ISX: variants seen among roughly 807,000 people sequenced by gnomAD.
ISX encodes intestine specific homeobox.
ISX carries 15 observed loss-of-function variants against 16.9 expected under a neutral mutation model. That is an observed-to-expected ratio of 0.89 (90% CI 0.59 to 1.36). The LOEUF is 1.36. Among genes scored for constraint, ISX ranks in the 40% most tolerant of loss-of-function variants. The pLI is 0.00. For missense variants in ISX, 316 were observed against 306.1 expected, an observed-to-expected ratio of 1.03 and a Z score of -0.24; for synonymous variants, 125 against 119.7, an observed-to-expected ratio of 1.04 and a Z score of -0.29.
At chr22:35,083,358 A>G (rs1445639747) in intron 3 of ISX, among the ~76,000 whole-genome samples, 2 of 152,196 alleles carry the variant, frequency 1.3e-5, no homozygotes, top group African/African-American at 4.8e-5. Flanking sequence ...AGAAGTGGAA[A>G]AGGTCTTGAA....
chr22:35,068,655 T>C (rs1344319018), intron 2 of ISX, among the ~76,000 whole-genome samples: 1 of 152,188 alleles, frequency 6.6e-6, no homozygotes, highest in Non-Finnish European at 1.5e-5. Context: ...CCTAGCCCGA[T>C]GACGGCAGGC....
At chr22:35,083,541 C>T (rs1074971) in intron 3 of ISX, among the ~76,000 whole-genome samples, 96,075 of 152,120 alleles carry the variant, frequency 0.63, 31,088 homozygotes, top group African/African-American at 0.73. Context: ...CAAGTGCCAC[C>T]CTAGCACACG....
At position 35,067,400 on chromosome 22, in the gene ISX, A is replaced by C. The variant is rs1205530809; in HGVS notation, c.229+84A>C. 3 of 927,224 alleles carry C rather than the reference A, an allele frequency of 3.2e-6. No individual in the cohort carries two copies. The East Asian group carries it at 7.9e-5, about 24-fold the overall frequency. 57.4% of individuals were successfully genotyped at this position (927,224 alleles called of 1,614,324 possible). ...AGGCAGAGAAAAAGCTTCTCCGTCC[A>C]TATTAACTGGATAGAGGACTCTAAA... is the stretch of plus-strand genomic sequence containing the variant. On this transcript the variant is annotated intron_variant, in intron 2 of 4. Transcript: ENST00000404699.
intron 3 of ISX, among the ~76,000 whole-genome samples, chr22:35,083,129 AAC>A (rs910248192): frequency 1.3e-5 from 2 of 152,220 alleles, no homozygotes; most frequent in Non-Finnish European, 2.9e-5. Context: ...AAAATATGTA[AAC>A]ACACTTTATT....
intron 2 of ISX, among the ~76,000 whole-genome samples, chr22:35,080,213 C>T (rs778804106): frequency 6.6e-6 from 1 of 152,172 alleles, no homozygotes; most frequent in Non-Finnish European, 1.5e-5. Context: ...CTGTCCTCTT[C>T]CCCACCTACA....
Position 35,086,053 on chromosome 22 carries a change from G to A in ISX, c.*360G>A, listed in dbSNP as rs1035618232. On this transcript the variant is annotated 3_prime_UTR_variant, in exon 5 of 5. Coordinates refer to ENST00000404699, the MANE Select transcript of ISX (RefSeq NM_001303508.2). The stretch of plus-strand genomic sequence containing the variant: ...CCTCTCTGGACCTCATCTGTAAGAG[G>A]AGCCAGCTGGATAAGATGATTTCTG... The A allele has an allele frequency of 7.3e-5, 24 of 327,294 alleles. No homozygotes were observed. The highest frequency in any genetic ancestry group is 1.1e-4 in the Non-Finnish European group (18 of 171,110). 20.3% of individuals were successfully genotyped at this position (327,294 alleles called of 1,614,324 possible).
chr22:35,085,968 T>G lies in ISX; in HGVS notation c.*275T>G, dbSNP rs1601563052. On this transcript the variant is annotated 3_prime_UTR_variant, in exon 5 of 5. Transcript: ENST00000404699. ...CAGGCCGAGCTCTGAAATAGGGAGG[T>G]AATCCTCCAGCACCTGTGTTTCCTC... The G allele has an allele frequency of 2.0e-6, 1 of 493,124 alleles. No homozygotes were observed. Among genetic ancestry groups the G allele is most frequent in the South Asian group, 2.1e-5 (1 of 47,112 alleles). 30.5% of individuals were successfully genotyped at this position (493,124 alleles called of 1,614,324 possible).
At chr22:35,083,387 G>A (rs1074970) in intron 3 of ISX, among the ~76,000 whole-genome samples, 37,181 of 152,136 alleles carry the variant, frequency 0.24, 5,604 homozygotes, top group Non-Finnish European at 0.34. Flanking sequence ...CTTGGTCGGA[G>A]ACCTGGTTTA....
chr22:35,082,689 A>G lies in ISX; in HGVS notation c.381+20A>G. 1 of 1,613,426 alleles carries G rather than the reference A, an allele frequency of 6.2e-7. No individual in the cohort carries two copies. Among genetic ancestry groups the G allele is most frequent in the Non-Finnish European group, 8.5e-7 (1 of 1,179,764 alleles). On this transcript the variant is annotated intron_variant, in intron 3 of 4. Transcript: ENST00000404699. The stretch of plus-strand genomic sequence containing the variant: ...GTGCAGGTACAGCCATCCCTACCTC[A>G]GCCCCCAGCCTCCATGCCCTTGGGA...
intron 2 of ISX, among the ~76,000 whole-genome samples, chr22:35,076,764 A>C (rs374921686): frequency 1.4e-4 from 21 of 152,224 alleles, no homozygotes; most frequent in African/African-American, 4.8e-4. Flanking sequence ...CACCTGTGTA[A>C]ATTGTGTATT....
At chr22:35,078,182 T>TTTG (rs1929034062) in intron 2 of ISX, among the ~76,000 whole-genome samples, 1 of 151,688 alleles carries the variant, frequency 6.6e-6, no homozygotes, top group Non-Finnish European at 1.5e-5. Context: ...TTTTTTTTTT[T>TTTG]GCAGCTTCCT....
chr22:35,069,844 T>C (rs922895036), intron 2 of ISX, among the ~76,000 whole-genome samples: 4 of 152,220 alleles, frequency 2.6e-5, no homozygotes, highest in African/African-American at 9.6e-5. Flanking sequence ...TTGTCTCCAC[T>C]TAACATTTAA....
intron 2 of ISX, among the ~76,000 whole-genome samples, chr22:35,076,020 T>C (rs1928970132): frequency 6.6e-6 from 1 of 152,092 alleles, no homozygotes; most frequent in South Asian, 2.1e-4. Context: ...ATTGATTGAC[T>C]CATAGAGACT....
rs10579253 is a variant in ISX at position 35,077,609 on chromosome 22, A to ACATCATCAT, written c.230-4885_230-4877dup. ...ACTAAAACTGTGAGACACAAGCACAACATCATCATCATCATCATCATCATC... is the reference window on the plus strand; with the variant it reads ...ACTAAAACTGTGAGACACAAGCACAACATCATCATCATCATCATCATCATCATCATCATC... On this transcript the variant is annotated intron_variant, in intron 2 of 4. Coordinates refer to ENST00000404699, the MANE Select transcript of ISX (RefSeq NM_001303508.2). 1.5e-4 allele frequency among the ~76,000 whole-genome samples: 23 copies of ACATCATCAT among 151,108 alleles called. No homozygotes were observed. In the East Asian group the frequency reaches 4.5e-3, roughly 29 times the overall value.
Position 35,087,244 on chromosome 22 carries a change from T to C in ISX, c.*1551T>C, listed in dbSNP as rs1929277360. The C allele has an allele frequency of 6.6e-6, 1 of 152,218 alleles. No individual in the cohort carries two copies. Among genetic ancestry groups the C allele is most frequent in the Admixed American group, 6.5e-5 (1 of 15,280 alleles). The allele number at this position is 152,218 out of a possible 1,614,324, so 9.4% of individuals were successfully genotyped here. A position where few individuals can be genotyped will look rare whatever the true frequency, so the allele number is the denominator to read the frequency against. On this transcript the variant is annotated 3_prime_UTR_variant, in exon 5 of 5. Transcript: ENST00000404699. ...ATCAACACCAGGTCTCTAGCACCGC[T>C]GGATGAAAGGAGAAGGCTAGAGGCT...
At chr22:35,075,251 G>A (rs1333622696) in intron 2 of ISX, among the ~76,000 whole-genome samples, 2 of 152,186 alleles carry the variant, frequency 1.3e-5, no homozygotes, top group African/African-American at 2.4e-5. Context: ...GTATAAAAAG[G>A]AATAATCCTT....
rs141223769 is a variant in ISX, at chr22:35,086,121, G to A, written c.*428G>A. 527 of 270,522 alleles carry A rather than the reference G, an allele frequency of 1.9e-3. 2 individuals are homozygous for A. In the Middle Eastern group the frequency reaches 0.032, roughly 17 times the overall value. 16.8% of individuals were successfully genotyped at this position (270,522 alleles called of 1,614,324 possible). A position where few individuals can be genotyped will look rare whatever the true frequency, so the allele number is the denominator to read the frequency against. On this transcript the variant is annotated 3_prime_UTR_variant, in exon 5 of 5. Coordinates refer to ENST00000404699, the MANE Select transcript of ISX (RefSeq NM_001303508.2). ...GGCACTGAGGCACAGAGGAGGCCAA[G>A]GAGAGGTTGTTTGTTCATGCATGCA...
chr22:35,086,653 G>A lies in ISX; in HGVS notation c.*960G>A, dbSNP rs2146297278. 1.3e-5 allele frequency: 2 copies of A among 152,338 alleles called. No individual in the cohort carries two copies. The highest frequency in any genetic ancestry group is 4.1e-4 in the South Asian group (2 of 4,828). The allele number at this position is 152,338 out of a possible 1,614,324, so 9.4% of individuals were successfully genotyped here. A position where few individuals can be genotyped will look rare whatever the true frequency, so the allele number is the denominator to read the frequency against. On this transcript the variant is annotated 3_prime_UTR_variant, in exon 5 of 5. Coordinates refer to ENST00000404699, the MANE Select transcript of ISX (RefSeq NM_001303508.2). ...AAGGTAGCCAGGCCTGCCTCAAAGA[G>A]CATTCAGGAGGCTCTGAGAGGACAT...
At chr22:35,071,433 C>T (rs972827839) in intron 2 of ISX, among the ~76,000 whole-genome samples, 1 of 152,154 alleles carries the variant, frequency 6.6e-6, no homozygotes, top group African/African-American at 2.4e-5. Flanking sequence ...CTGATCCATG[C>T]CTCTCTCGTA....
Sources: gnomAD v4.1 joint callset for allele counts (sites outside exome capture counted in the v4.1 genomes callset) on GRCh38, gnomAD v4.1.1 for gene constraint, MANE v1.5 for transcripts, NCBI Gene and HGNC (gene_info 2026-07-23, HGNC 2026-07-21) for gene names.